The following CDH4 variants were observed in gnomAD, a reference collection of about 807,000 sequenced individuals.
CDH4 encodes the protein cadherin-4.
CDH4 carries 33 observed loss-of-function variants against 86.0 expected under a neutral mutation model. That is an observed-to-expected ratio of 0.38 (90% CI 0.29 to 0.51). The LOEUF (loss-of-function observed/expected upper bound fraction) is 0.51. Among genes scored for constraint, CDH4 ranks in the 20% least tolerant of loss-of-function variants. The pLI is 0.86. For missense variants in CDH4, 1,114 were observed against 1,307.4 expected, an observed-to-expected ratio of 0.85 and a Z score of 2.28; for synonymous variants, 555 against 549.4, an observed-to-expected ratio of 1.01 and a Z score of -0.14.
At chr20:61,901,916 A>C (rs1234856053) in intron 8 of CDH4, among the ~76,000 whole-genome samples, 1 of 152,208 alleles carries the variant, frequency 6.6e-6, no homozygotes, top group Non-Finnish European at 1.5e-5. Flanking sequence ...TCAGAGGTGG[A>C]AGTAAAGTTC....
intron 2 of CDH4, chr20:61,738,289 C>A (rs1309012089): frequency 6.6e-6 from 1 of 152,256 alleles, no homozygotes; most frequent in Non-Finnish European, 1.5e-5. Context: ...AATTAGCAAA[C>A]CATGGAGAGA....
intron 4 of CDH4, among the ~76,000 whole-genome samples, chr20:61,838,237 C>T (rs1049929809): frequency 6.6e-6 from 1 of 152,180 alleles, no homozygotes; most frequent in African/African-American, 2.4e-5. Context: ...GCCCTACCTA[C>T]CAACAGGCCA....
chr20:61,809,911 A>G (rs548512786), intron 4 of CDH4, among the ~76,000 whole-genome samples: 1 of 152,202 alleles, frequency 6.6e-6, no homozygotes, highest in South Asian at 2.1e-4. Context: ...GAGCGTGTGC[A>G]TTGCTCTCAG....
intron 2 of CDH4, among the ~76,000 whole-genome samples, chr20:61,728,788 T>C (rs1226135552): frequency 6.6e-6 from 1 of 152,208 alleles, no homozygotes; most frequent in Non-Finnish European, 1.5e-5. Context: ...AGATATTCAA[T>C]AAAAATGTGA....
At chr20:61,385,278 G>A (rs1000975518) in intron 2 of CDH4, among the ~76,000 whole-genome samples, 15 of 152,236 alleles carry the variant, frequency 9.9e-5, no homozygotes, top group Middle Eastern at 3.4e-3. Flanking sequence ...AGCGTTCTGC[G>A]ATCTGTCTCC....
intron 7 of CDH4, among the ~76,000 whole-genome samples, chr20:61,881,599 G>A (rs916123225): frequency 6.6e-6 from 1 of 152,200 alleles, no homozygotes; most frequent in African/African-American, 2.4e-5. Context: ...GGCTGGGGTC[G>A]TAGCTGGAGC....
intron 3 of CDH4, among the ~76,000 whole-genome samples, chr20:61,750,683 A>G (rs1195902191): frequency 6.6e-6 from 1 of 152,238 alleles, no homozygotes; most frequent in Non-Finnish European, 1.5e-5. Context: ...AGAAATTAGA[A>G]TAAATGAAAC....
chr20:61,545,556 GCTA>G (rs1028896201), intron 2 of CDH4, among the ~76,000 whole-genome samples: 1 of 152,230 alleles, frequency 6.6e-6, no homozygotes, highest in Non-Finnish European at 1.5e-5. Context: ...TCTTGGAAAA[GCTA>G]CTGCTGACGT....
At chr20:61,527,010 G>A (rs143105795) in intron 2 of CDH4, among the ~76,000 whole-genome samples, 19 of 152,356 alleles carry the variant, frequency 1.2e-4, no homozygotes, top group African/African-American at 4.3e-4. Context: ...GCCCCGCACC[G>A]GGACCTTCCC....
At chr20:61,485,739 C>T (rs1400340301) in intron 2 of CDH4, among the ~76,000 whole-genome samples, 4 of 152,380 alleles carry the variant, frequency 2.6e-5, no homozygotes, top group South Asian at 2.1e-4. Context: ...CACTGCCCAT[C>T]TGGTGGGCCA....
At chr20:61,871,996 C>G (rs561085911) in intron 6 of CDH4, among the ~76,000 whole-genome samples, 16 of 149,406 alleles carry the variant, frequency 1.1e-4, no homozygotes, top group African/African-American at 2.9e-4. Context: ...GCCAGAGTGG[C>G]GGTCTTCTCT....
intron 2 of CDH4, among the ~76,000 whole-genome samples, chr20:61,300,020 A>G (rs1181336170): frequency 6.6e-6 from 1 of 152,154 alleles, no homozygotes; most frequent in African/African-American, 2.4e-5. Context: ...ATGGCTCTTT[A>G]GGGAATCGTG....
chr20:61,555,214 A>G (rs2086168599), intron 2 of CDH4, among the ~76,000 whole-genome samples: 1 of 152,182 alleles, frequency 6.6e-6, no homozygotes, highest in South Asian at 2.1e-4. Context: ...GTTTCTGAGA[A>G]CCAGGCAGCC....
chr20:61,537,821 A>AG (rs2086008920), intron 2 of CDH4, among the ~76,000 whole-genome samples: 1 of 152,214 alleles, frequency 6.6e-6, no homozygotes, highest in Non-Finnish European at 1.5e-5. Context: ...GAGTTAGACT[A>AG]GGAGAGAATG....
At chr20:61,816,690 G>GC (rs112849616) in intron 4 of CDH4, among the ~76,000 whole-genome samples, 7 of 151,426 alleles carry the variant, frequency 4.6e-5, no homozygotes, top group Non-Finnish European at 7.4e-5. Flanking sequence ...ACGTTAAATG[G>GC]GGGGGGGCGG....
At chr20:61,636,144 C>T (rs1260388818) in intron 2 of CDH4, among the ~76,000 whole-genome samples, 2 of 152,204 alleles carry the variant, frequency 1.3e-5, no homozygotes, top group Non-Finnish European at 2.9e-5. Flanking sequence ...AGAAAGCTTG[C>T]CCCGCCCTTC....
intron 2 of CDH4, among the ~76,000 whole-genome samples, chr20:61,332,576 G>A (rs1440358958): frequency 6.6e-6 from 1 of 152,212 alleles, no homozygotes; most frequent in Non-Finnish European, 1.5e-5. Context: ...TGGGCAGCAG[G>A]CACTAGGGCC....
At chr20:61,460,898 T>A (rs533255425) in intron 2 of CDH4, among the ~76,000 whole-genome samples, 37 of 152,184 alleles carry the variant, frequency 2.4e-4, no homozygotes, top group Non-Finnish European at 4.7e-4. Context: ...TATTCCCTGG[T>A]GGCTCTCTTG....
chr20:61,371,256 C>T (rs1374881846), intron 2 of CDH4, among the ~76,000 whole-genome samples: 6 of 152,138 alleles, frequency 3.9e-5, no homozygotes, highest in African/African-American at 1.4e-4. Context: ...GAGAGGTGGG[C>T]ACCTGCAGGA....
Sources: allele counts gnomAD v4.1 joint callset (sites outside exome capture counted in the v4.1 genomes callset), GRCh38; gene constraint gnomAD v4.1.1; transcripts MANE v1.5; gene names NCBI Gene and HGNC (gene_info 2026-07-23, HGNC 2026-07-21).